The following LPP variants were observed in gnomAD, a reference collection of about 807,000 sequenced individuals.
LPP encodes the protein lipoma-preferred partner.
A neutral mutation model predicts 60.4 loss-of-function variants in LPP; 38 were observed. That is an observed-to-expected ratio of 0.63 (90% CI 0.49 to 0.83). The LOEUF (loss-of-function observed/expected upper bound fraction) is 0.83. LPP is among the 40% of genes least tolerant of loss of function. The pLI, the probability that LPP is intolerant of heterozygous loss-of-function variation, is 0.00. For synonymous variants in LPP, 328 were observed against 290.8 expected (o/e 1.13, Z -1.30); for missense variants, 902 against 783.6 (o/e 1.15, Z -1.80).
chr3:188,452,606 CA>C (rs2149360504), intron 4 of LPP, among the ~76,000 whole-genome samples: 1 of 152,166 alleles, frequency 6.6e-6, no homozygotes. Flanking sequence ...TCCTGACTTC[CA>C]GACCTTTAGA....
At chr3:188,834,324 GTTTTTTTTT>G (rs71867135) in intron 9 of LPP, among the ~76,000 whole-genome samples, 1 of 34,078 alleles carries the variant, frequency 2.9e-5, no homozygotes, top group Admixed American at 4.4e-4. Flanking sequence ...CTTTTTGGGT[GTTTTTTTTT>G]TTTTTTTTTT....
chr3:188,582,470 C>T (rs569434580), intron 6 of LPP, among the ~76,000 whole-genome samples: 4 of 152,106 alleles, frequency 2.6e-5, no homozygotes, highest in Non-Finnish European at 5.9e-5. Flanking sequence ...CATGAGCCAC[C>T]GTGCCTGGGC....
At chr3:188,495,688 C>G (rs1046704414) in intron 5 of LPP, among the ~76,000 whole-genome samples, 1 of 152,158 alleles carries the variant, frequency 6.6e-6, no homozygotes, top group African/African-American at 2.4e-5. Flanking sequence ...TGACAAACCC[C>G]TTGTTGATTG....
intron 2 of LPP, among the ~76,000 whole-genome samples, chr3:188,248,236 A>G (rs548323455): frequency 6.6e-6 from 1 of 151,856 alleles, no homozygotes; most frequent in Non-Finnish European, 1.5e-5. Context: ...GCCTTGAAGT[A>G]AATGTTGGGC....
chr3:188,566,743 T>C (rs1004092629), intron 6 of LPP, among the ~76,000 whole-genome samples: 3 of 151,830 alleles, frequency 2.0e-5, no homozygotes, highest in African/African-American at 7.2e-5. Flanking sequence ...GATGCCAAAT[T>C]GGATCTCCAA....
chr3:188,514,441 AT>A (rs113726600), intron 5 of LPP, among the ~76,000 whole-genome samples: 21 of 129,616 alleles, frequency 1.6e-4, no homozygotes, highest in East Asian at 3.5e-4. Flanking sequence ...TTTTTATTTT[AT>A]TTTTTTTTTT....
intron 4 of LPP, among the ~76,000 whole-genome samples, chr3:188,459,415 G>A (rs1798484865): frequency 6.6e-6 from 1 of 152,142 alleles, no homozygotes; most frequent in Non-Finnish European, 1.5e-5. Flanking sequence ...GCTGTCCACA[G>A]CTTCCTGACA....
chr3:188,350,349 G>A (rs1765512297), intron 3 of LPP, among the ~76,000 whole-genome samples: 1 of 152,154 alleles, frequency 6.6e-6, no homozygotes, highest in Non-Finnish European at 1.5e-5. Flanking sequence ...GACAAGAGCT[G>A]GCTTTGAAAG....
intron 2 of LPP, among the ~76,000 whole-genome samples, chr3:188,306,150 G>A (rs1046055537): frequency 2.0e-5 from 3 of 152,092 alleles, no homozygotes; most frequent in Admixed American, 2.0e-4. Flanking sequence ...GCGTGATCTC[G>A]GTTTACTGCA....
intron 10 of LPP, among the ~76,000 whole-genome samples, chr3:188,869,447 T>C (rs2152021945): frequency 6.6e-6 from 1 of 152,252 alleles, no homozygotes; most frequent in East Asian, 1.9e-4. Context: ...CCCACCACCA[T>C]GCCTGGCTAA....
Position 188,316,626 on chromosome 3 carries a change from A to G in LPP, c.-66-25037A>G, listed in dbSNP as rs74464406. Among the ~76,000 whole-genome samples, 331 of 152,344 alleles carry G rather than the reference A, an allele frequency of 2.2e-3. 1 individual carries two copies. Among genetic ancestry groups the G allele is most frequent in the East Asian group, 0.021 (110 of 5,186 alleles). ...GATAACGATGAACCTGCTGTAGTGC[A>G]GGGAAAGATGCAGAGCTGGGGGGAA... On this transcript the variant is annotated intron_variant, in intron 2 of 11. Transcript: ENST00000617246.
At chr3:188,759,895 G>T (rs752171012) in intron 8 of LPP, among the ~76,000 whole-genome samples, 1 of 152,218 alleles carries the variant, frequency 6.6e-6, no homozygotes, top group East Asian at 1.9e-4. Context: ...CCCCTCAACC[G>T]ATTAATGTAA....
chr3:188,872,836 A>T, intron 11 of LPP, 73 bp downstream of exon 11: 1 of 1,591,158 alleles, frequency 6.3e-7, no homozygotes, highest in Non-Finnish European at 8.6e-7. Flanking sequence ...GTTTACATAG[A>T]TGTAGCAATT....
intron 7 of LPP, among the ~76,000 whole-genome samples, chr3:188,673,388 C>T (rs745413396): frequency 6.6e-6 from 1 of 152,158 alleles, no homozygotes; most frequent in East Asian, 1.9e-4. Context: ...GGTATTCATC[C>T]ACATCAATAT....
chr3:188,422,428 A>C (rs1788047544), intron 4 of LPP, among the ~76,000 whole-genome samples: 1 of 152,140 alleles, frequency 6.6e-6, no homozygotes, highest in African/African-American at 2.4e-5. Flanking sequence ...TGTCTTTGCT[A>C]GAACTGTGTT....
chr3:188,772,687 G>T (rs1412598967), intron 9 of LPP, among the ~76,000 whole-genome samples: 1 of 151,850 alleles, frequency 6.6e-6, no homozygotes, highest in Admixed American at 6.6e-5. Flanking sequence ...TAGAGACGGG[G>T]TTTCACCGTG....
At chr3:188,165,687 G>T (rs1719723275) in intron 1 of LPP, among the ~76,000 whole-genome samples, 1 of 152,226 alleles carries the variant, frequency 6.6e-6, no homozygotes, top group Non-Finnish European at 1.5e-5. Context: ...GCTAGAGACA[G>T]CAGGAGCTGT....
In LPP at chr3:188,855,329, G is replaced by T. The variant is rs147363885; in HGVS notation, c.1411-10871G>T. ...CTGTTATGTCTTAAGCGCTGCCGCA[G>T]AGGCTGCAAATGCAGTAGTGTCTTG... On this transcript the variant is annotated intron_variant, in intron 9 of 11. Transcript: ENST00000617246. 1.3e-5 allele frequency among the ~76,000 whole-genome samples: 2 copies of T among 152,370 alleles called. 1 individual carries two copies. Among genetic ancestry groups the T allele is most frequent in the African/African-American group, 4.8e-5 (2 of 41,594 alleles).
chr3:188,386,960 G>GAAAA (rs1326771661), intron 3 of LPP, among the ~76,000 whole-genome samples: 1 of 152,070 alleles, frequency 6.6e-6, no homozygotes, highest in African/African-American at 2.4e-5. Context: ...ATGCTGTGTA[G>GAAAA]AAAAGAATAT....
Sources: allele counts gnomAD v4.1 joint callset (sites outside exome capture counted in the v4.1 genomes callset), GRCh38; gene constraint gnomAD v4.1.1; transcripts MANE v1.5; gene names NCBI Gene and HGNC (gene_info 2026-07-23, HGNC 2026-07-21).